Variants in UBE3D observed in about 807,000 individuals in gnomAD.
The protein encoded by UBE3D is E3 ubiquitin-protein ligase E3D.
In UBE3D, 48 loss-of-function variants were observed where a neutral mutation model predicts 49.6. That is an observed-to-expected ratio of 0.97 (90% CI 0.77 to 1.23). UBE3D has a LOEUF of 1.23. UBE3D is among the 50% of genes most tolerant of loss of function. The probability of loss-of-function intolerance (pLI) is 0.00; values close to 1 mark genes in which losing one functional copy is unlikely to be tolerated. For missense variants in UBE3D, 452 were observed against 468.4 expected, an observed-to-expected ratio of 0.96 and a Z score of 0.32; for synonymous variants, 189 against 174.2, an observed-to-expected ratio of 1.08 and a Z score of -0.67.
chr6:82,983,247 A>C (rs565068895), intron 8 of UBE3D, among the ~76,000 whole-genome samples: 9 of 150,300 alleles, frequency 6.0e-5, no homozygotes, highest in African/African-American at 2.2e-4. Flanking sequence ...ATCCTTATTG[A>C]TGCTCAAATT....
At chr6:82,911,196 CAAAAAAAAA>C (rs1156620624) in intron 9 of UBE3D, among the ~76,000 whole-genome samples, 11 of 39,340 alleles carry the variant, frequency 2.8e-4, no homozygotes, top group African/African-American at 1.0e-3. Context: ...AACATTTTGG[CAAAAAAAAA>C]AAAAAAAAAA....
In UBE3D at chr6:82,912,313, T is replaced by C. The variant is rs1210590489; in HGVS notation, c.1150-19271A>G. Among the ~76,000 whole-genome samples the C allele has an allele frequency of 2.6e-5, 4 of 152,276 alleles. No homozygotes were observed. The East Asian group carries it at 5.8e-4, about 22-fold the overall frequency. ...TTAGTCAGTTATTCTATGCTTTTTTTCTTCTGCATTCATCCTTTTTTCCAT... is the reference window on the plus strand; with the variant it reads ...TTAGTCAGTTATTCTATGCTTTTTTCCTTCTGCATTCATCCTTTTTTCCAT... On this transcript the variant is annotated intron_variant, in intron 9 of 9. Coordinates refer to ENST00000369747, the MANE Select transcript of UBE3D (RefSeq NM_198920.3).
rs1281168893 is a variant in UBE3D at position 82,895,840 on chromosome 6, A to G, written c.1150-2798T>C. 2.6e-5 allele frequency among the ~76,000 whole-genome samples: 4 copies of G among 152,350 alleles called. No homozygotes were observed. In the East Asian group the frequency reaches 7.7e-4, roughly 29 times the overall value. On this transcript the variant is annotated intron_variant, in intron 9 of 9. Transcript: ENST00000369747. ...GACAGAAAACTACAGAGGCTTAGAG[A>G]CTTCCAATCTTTGGTATTGCCTCAA... is the stretch of plus-strand genomic sequence containing the variant.
chr6:83,007,847 AGGT>A, intron 8 of UBE3D, among the ~76,000 whole-genome samples: 1 of 152,150 alleles, frequency 6.6e-6, no homozygotes, highest in Non-Finnish European at 1.5e-5. Flanking sequence ...TGGGAGGCTG[AGGT>A]GGGAGGATCA....
Position 83,065,837 on chromosome 6 carries a change from C to CCT in UBE3D, c.-121_-120dup. ...CGGCAGCCCCGCTGCGGCGCAGGCGCCTGTGCCAGATCGCAGGGCTGGCGC... is the reference window on the plus strand; with the variant it reads ...CGGCAGCCCCGCTGCGGCGCAGGCGCCTCTGTGCCAGATCGCAGGGCTGGCGC... On this transcript the variant is annotated 5_prime_UTR_variant, in exon 1 of 10. Transcript: ENST00000369747. 1 of 1,067,870 alleles carries CCT rather than the reference C, an allele frequency of 9.4e-7. No individual in the cohort carries two copies. The highest frequency in any genetic ancestry group is 1.4e-6 in the Non-Finnish European group (1 of 738,426). 66.1% of individuals were successfully genotyped at this position (1,067,870 alleles called of 1,614,324 possible).
At chr6:83,063,444 A>G (rs1784305737) in intron 1 of UBE3D, among the ~76,000 whole-genome samples, 1 of 151,114 alleles carries the variant, frequency 6.6e-6, no homozygotes, top group Non-Finnish European at 1.5e-5. Flanking sequence ...AAAAGAAAAG[A>G]AAATGAAAAG....
At chr6:83,048,246 G>A (rs1783216585) in intron 3 of UBE3D, among the ~76,000 whole-genome samples, 1 of 152,050 alleles carries the variant, frequency 6.6e-6, no homozygotes, top group Non-Finnish European at 1.5e-5. Context: ...GGTGTTCCAG[G>A]CCACGCTAAG....
At chr6:83,026,107 A>T (rs940854542) in intron 5 of UBE3D, among the ~76,000 whole-genome samples, 1 of 152,068 alleles carries the variant, frequency 6.6e-6, no homozygotes, top group African/African-American at 2.4e-5. Context: ...AATTTTAAAT[A>T]GGTCAAATTC....
intron 8 of UBE3D, among the ~76,000 whole-genome samples, chr6:82,997,276 T>G (rs1393066596): frequency 2.0e-5 from 3 of 152,030 alleles, no homozygotes; most frequent in Non-Finnish European, 4.4e-5. Context: ...TTAAAATAAT[T>G]TTAATAGAAT....
At chr6:83,064,309 C>T (rs1784362502) in intron 1 of UBE3D, among the ~76,000 whole-genome samples, 1 of 152,138 alleles carries the variant, frequency 6.6e-6, no homozygotes, top group African/African-American at 2.4e-5. Flanking sequence ...CTGCAACCTC[C>T]GCCTCCCGGG....
At chr6:83,053,951 C>T (rs927569950) in intron 3 of UBE3D, among the ~76,000 whole-genome samples, 197 bp downstream of exon 3, 4 of 152,110 alleles carry the variant, frequency 2.6e-5, no homozygotes, top group Non-Finnish European at 2.9e-5. Context: ...CCTAGTGCTC[C>T]CCTTTATGTC....
intron 9 of UBE3D, among the ~76,000 whole-genome samples, chr6:82,947,308 A>G (rs1204634097): frequency 6.6e-6 from 1 of 151,970 alleles, no homozygotes; most frequent in Non-Finnish European, 1.5e-5. Context: ...TAAAGAAAGT[A>G]TTATTAAAGA....
intron 8 of UBE3D, among the ~76,000 whole-genome samples, chr6:82,994,249 C>T (rs950425): frequency 0.055 from 8,359 of 152,208 alleles, 317 homozygotes; most frequent in Non-Finnish European, 0.085. Context: ...ATTTATATAT[C>T]AATCCCCTAC....
chr6:83,044,247 T>A (rs1782868811), intron 4 of UBE3D, among the ~76,000 whole-genome samples, 181 bp downstream of exon 4: 1 of 152,154 alleles, frequency 6.6e-6, no homozygotes, highest in South Asian at 2.1e-4. Context: ...TGTGGCTGTT[T>A]TAGTTTAAAG....
At chr6:82,989,052 G>A (rs1360104747) in intron 8 of UBE3D, among the ~76,000 whole-genome samples, 1 of 151,960 alleles carries the variant, frequency 6.6e-6, no homozygotes, top group Non-Finnish European at 1.5e-5. Flanking sequence ...TCAAAATAAT[G>A]TATGTGTCAT....
chr6:83,061,099 AG>A (rs1013334933), intron 1 of UBE3D, among the ~76,000 whole-genome samples: 6 of 152,228 alleles, frequency 3.9e-5, no homozygotes, highest in Non-Finnish European at 7.3e-5. Context: ...GCCACCTGAC[AG>A]GAAGCCTCAC....
chr6:82,888,169 A>T (rs1371407531), downstream of UBE3D, among the ~76,000 whole-genome samples: 1 of 151,988 alleles, frequency 6.6e-6, no homozygotes. Flanking sequence ...TAGGCTGGGA[A>T]GGGTACTGGG....
intron 9 of UBE3D, among the ~76,000 whole-genome samples, chr6:82,911,223 A>C (rs893261257): frequency 2.0e-5 from 3 of 149,358 alleles, no homozygotes; most frequent in African/African-American, 4.9e-5. Flanking sequence ...AAAAAAAAAA[A>C]CTCAGGGGGG....
At position 82,997,810 on chromosome 6, in the gene UBE3D, G is replaced by C. The variant is rs557456419; in HGVS notation, c.1010+21163C>G. ...AATATATGTATATGCGTAGGTAAAG[G>C]TCTGGAAACATACACAGCAACCTGG... is the stretch of plus-strand genomic sequence containing the variant. On this transcript the variant is annotated intron_variant, in intron 8 of 9. Transcript: ENST00000369747. 3.9e-5 allele frequency among the ~76,000 whole-genome samples: 6 copies of C among 152,286 alleles called. No homozygotes were observed. The South Asian group carries it at 1.2e-3, about 32-fold the overall frequency.
Sources: allele counts gnomAD v4.1 joint callset (sites outside exome capture counted in the v4.1 genomes callset), GRCh38; gene constraint gnomAD v4.1.1; transcripts MANE v1.5; gene names NCBI Gene and HGNC (gene_info 2026-07-23, HGNC 2026-07-21).